Variants in LY6H observed in about 807,000 individuals in gnomAD.
LY6H encodes the protein lymphocyte antigen 6 family member H.
A neutral mutation model predicts 14.6 loss-of-function variants in LY6H; 8 were observed. The ratio of observed to expected loss-of-function variants is 0.55; its 90% CI spans 0.32 to 0.99. The LOEUF (loss-of-function observed/expected upper bound fraction) is 0.99, where lower values mean the gene tolerates loss of function less well. LY6H is among the 50% of genes least tolerant of loss of function. LY6H has a pLI of 0.04. For synonymous variants in LY6H, 115 were observed against 97.2 expected (o/e 1.18, Z -1.08); for missense variants, 196 against 219.6 (o/e 0.89, Z 0.68).
chr8:143,159,458 G>C, intron 2 of LY6H, 124 bp downstream of exon 2: 3 of 1,171,886 alleles, frequency 2.6e-6, no homozygotes, highest in Non-Finnish European at 3.4e-6. Context: ...GGTCCCGGAG[G>C]GGGCGTGGGC....
In LY6H at chr8:143,158,296, C is replaced by T. The variant is rs780038027; in HGVS notation, c.440G>A (p.Gly147Glu). 3.7e-5 allele frequency: 59 copies of T among 1,613,328 alleles called. No homozygotes were observed. The highest frequency in any genetic ancestry group is 4.9e-5 in the Non-Finnish European group (58 of 1,179,802). The change falls in exon 4 of 4, where the codon GGG becomes GAG. Residue 147 changes from glycine to glutamate, a missense_variant. Physicochemically the swap from Gly to Glu is moderately conservative, Grantham distance 98. Coordinates refer to ENST00000342752, the MANE Select transcript of LY6H (RefSeq NM_001135655.2). ...AGHSPWALAG[G>E]LLLSLGPALL... The stretch of plus-strand genomic sequence containing the variant: ...GGCAGGCCCCAGGCTGAGCAGGAGC[C>T]CCCCGGCCAGGGCCCAGGGGCTGTG...
chr8:143,160,016 G>C, intron 1 of LY6H, 182 bp downstream of exon 1: 1 of 1,217,914 alleles, frequency 8.2e-7, no homozygotes, highest in Non-Finnish European at 1.0e-6. Context: ...AGCGGCAGGG[G>C]CGGGAGCGGG....
chr8:143,158,173 A>T lies in LY6H; in HGVS notation c.*77T>A. 1 of 1,079,720 alleles carries T rather than the reference A, an allele frequency of 9.3e-7. No individual in the cohort carries two copies. Among genetic ancestry groups the T allele is most frequent in the Non-Finnish European group, 1.3e-6 (1 of 752,498 alleles). 66.9% of individuals were successfully genotyped at this position (1,079,720 alleles called of 1,614,324 possible). A position where few individuals can be genotyped will look rare whatever the true frequency, so the allele number is the denominator to read the frequency against. On this transcript the variant is annotated 3_prime_UTR_variant, in exon 4 of 4. Transcript: ENST00000342752. ...CTGGGCCAAGGCTGCCCCCAGCCCCAGCCACGCCAGGCTGGGGAGAGGGCA... is the reference window on the plus strand; with the variant it reads ...CTGGGCCAAGGCTGCCCCCAGCCCCTGCCACGCCAGGCTGGGGAGAGGGCA...
chr8:143,158,658 C>G, intron 3 of LY6H, 145 bp downstream of exon 3: 1 of 1,243,396 alleles, frequency 8.0e-7, no homozygotes, highest in Non-Finnish European at 1.1e-6. Context: ...ACCAAGGAGC[C>G]AGGGGGGGAC....
rs758272149 is a variant in LY6H at position 143,160,184 on chromosome 8, G to T, written c.2+14C>A. 66 of 1,283,900 alleles carry T rather than the reference G, an allele frequency of 5.1e-5. No homozygotes were observed. The highest frequency in any genetic ancestry group is 6.3e-5 in the Non-Finnish European group (64 of 1,015,176). 79.5% of individuals were successfully genotyped at this position (1,283,900 alleles called of 1,614,324 possible). On this transcript the variant is annotated intron_variant, in intron 1 of 3. Coordinates refer to ENST00000342752, the MANE Select transcript of LY6H (RefSeq NM_001135655.2). ...GCGTGGAGCGCGGGCCTCGGGGTCGGGGGGCTCACTCACATCCCGGGGGTG... is the reference window on the plus strand; with the variant it reads ...GCGTGGAGCGCGGGCCTCGGGGTCGTGGGGCTCACTCACATCCCGGGGGTG...
At position 143,158,144 on chromosome 8, in the gene LY6H, G is replaced by C. The variant is rs543525214; in HGVS notation, c.*106C>G. On this transcript the variant is annotated 3_prime_UTR_variant, in exon 4 of 4. Coordinates refer to ENST00000342752, the MANE Select transcript of LY6H (RefSeq NM_001135655.2). ...AGTGAGAGCCACAGGCCACAGCCAC[G>C]GAGCTGGGCCAAGGCTGCCCCCAGC... 4.2e-6 allele frequency: 3 copies of C among 722,444 alleles called. No individual in the cohort carries two copies. The African/African-American group carries it at 5.4e-5, about 13-fold the overall frequency. The allele number at this position is 722,444 out of a possible 1,614,324, so 44.8% of individuals were successfully genotyped here. A position where few individuals can be genotyped will look rare whatever the true frequency, so the allele number is the denominator to read the frequency against.
rs1391832786 is a variant in LY6H at position 143,158,500 on chromosome 8, C to T, written c.251-15G>A. On this transcript the variant is annotated splice_polypyrimidine_tract_variant and intron_variant, in intron 3 of 3. Transcript: ENST00000342752. ...ATCCTTCCTGCCTGGGAAGAGAAAGCGTGGCCTGGGACGGGGGCTCCTCCT... is the reference window on the plus strand; with the variant it reads ...ATCCTTCCTGCCTGGGAAGAGAAAGTGTGGCCTGGGACGGGGGCTCCTCCT... 10 of 1,598,196 alleles carry T rather than the reference C, an allele frequency of 6.3e-6. No individual in the cohort carries two copies. Among genetic ancestry groups the T allele is most frequent in the African/African-American group, 4.0e-5 (3 of 74,546 alleles).
chr8:143,158,978 G>T, intron 2 of LY6H, 56 bp from the exon 3 acceptor site: 1 of 1,575,328 alleles, frequency 6.3e-7, no homozygotes. Context: ...AAACCAGGCA[G>T]CCCCCTGCGC....
Position 143,160,287 on chromosome 8 carries a change from C to T in LY6H, c.-88G>A, listed in dbSNP as rs1229440353. ...GTCTCCCTGCGGACCGGAATCCGGG[C>T]GCAGCCTCGTCTTTCGGGGAACGCA... On this transcript the variant is annotated 5_prime_UTR_variant, in exon 1 of 4. Transcript: ENST00000342752. The T allele has an allele frequency of 9.8e-6, 11 of 1,127,964 alleles. No individual in the cohort carries two copies. Among genetic ancestry groups the T allele is most frequent in the Non-Finnish European group, 1.1e-5 (10 of 887,044 alleles). The allele number at this position is 1,127,964 out of a possible 1,614,324, so 69.9% of individuals were successfully genotyped here. A position where few individuals can be genotyped will look rare whatever the true frequency, so the allele number is the denominator to read the frequency against.
rs904292068 is a variant in LY6H at position 143,158,580 on chromosome 8, G to A, written c.251-95C>T. The A allele has an allele frequency of 5.2e-5, 66 of 1,279,152 alleles. 1 individual carries two copies. Among genetic ancestry groups the A allele is most frequent in the Middle Eastern group, 3.9e-4 (2 of 5,130 alleles). 79.2% of individuals were successfully genotyped at this position (1,279,152 alleles called of 1,614,324 possible). On this transcript the variant is annotated intron_variant, in intron 3 of 3. Coordinates refer to ENST00000342752, the MANE Select transcript of LY6H (RefSeq NM_001135655.2). The stretch of plus-strand genomic sequence containing the variant: ...AGCCCAGGCCCCTCCGGGTCAGCTC[G>A]GGGCCCCAGTAGGCAGGGCCGAGTC...
intron 2 of LY6H, 176 bp from the exon 3 acceptor site, chr8:143,159,098 C>T (rs746452651): frequency 1.7e-5 from 15 of 873,510 alleles, no homozygotes; most frequent in Middle Eastern, 3.4e-4. Flanking sequence ...GACAACTGTG[C>T]CCCATCCTGG....
At position 143,159,537 on chromosome 8, in the gene LY6H, G is replaced by A. The variant is rs902029392; in HGVS notation, c.130+45C>T. 4.8e-6 allele frequency: 7 copies of A among 1,456,798 alleles called. No homozygotes were observed. The African/African-American group carries it at 7.5e-5, about 16-fold the overall frequency. 90.2% of individuals were successfully genotyped at this position (1,456,798 alleles called of 1,614,324 possible). ...ACACCCGGCTCTCCCGCGGCGCCTCGGGCTCTCCCAGGCACCTGACCCAGC... is the reference window on the plus strand; with the variant it reads ...ACACCCGGCTCTCCCGCGGCGCCTCAGGCTCTCCCAGGCACCTGACCCAGC... On this transcript the variant is annotated intron_variant, in intron 2 of 3. Coordinates refer to ENST00000342752, the MANE Select transcript of LY6H (RefSeq NM_001135655.2).
chr8:143,159,143 C>A, intron 2 of LY6H: 3 of 634,014 alleles, frequency 4.7e-6, no homozygotes, highest in Non-Finnish European at 5.6e-6. Flanking sequence ...CCCTCCCTGG[C>A]CCCCATGCAC....
chr8:143,159,843 C>T (rs1172265838), intron 1 of LY6H, 134 bp from the exon 2 acceptor site: 13 of 1,161,298 alleles, frequency 1.1e-5, no homozygotes, highest in African/African-American at 1.6e-5. Context: ...AGCCCCTTCT[C>T]CAGAGCGTCC....
Position 143,158,439 on chromosome 8 carries a change from G to T in LY6H, c.297C>A (p.Asp99Glu), listed in dbSNP as rs1297973825. The change falls in exon 4 of 4, where the codon GAC becomes GAA. Residue 99 changes from aspartate to glutamate, a missense_variant. By Grantham distance (45) the Asp-to-Glu change is conservative. Transcript: ENST00000342752. Reference sequence around the variant, plus strand: ...CTGAGAAAAAGTGTCGCTTAACGAAGTCACAGGAGGAGGCACACATCTTGT... The same window carrying T: ...CTGAGAAAAAGTGTCGCTTAACGAATTCACAGGAGGAGGCACACATCTTGT... ...SVNKMCASSC[D>E]FVKRHFFSDY... 6.2e-7 allele frequency: 1 copy of T among 1,614,024 alleles called. No individual in the cohort carries two copies. Among genetic ancestry groups the T allele is most frequent in the East Asian group, 2.2e-5 (1 of 44,874 alleles).
intron 2 of LY6H, 107 bp downstream of exon 2, chr8:143,159,475 C>A (rs955928536): frequency 2.0e-5 from 26 of 1,305,388 alleles, no homozygotes; most frequent in Non-Finnish European, 2.4e-5. Flanking sequence ...GGGCTCTATG[C>A]GAAGTGCGGT....
Position 143,158,210 on chromosome 8 carries a change from A to G in LY6H, c.*40T>C. ...CTGGGGAGAGGGCAGCCACAGGCTC[A>G]GGGGAGCAAGCTCAGAAGCCCCGTG... On this transcript the variant is annotated 3_prime_UTR_variant, in exon 4 of 4. Coordinates refer to ENST00000342752, the MANE Select transcript of LY6H (RefSeq NM_001135655.2). 2 of 1,471,704 alleles carry G rather than the reference A, an allele frequency of 1.4e-6. No individual in the cohort carries two copies. Among genetic ancestry groups the G allele is most frequent in the Non-Finnish European group, 9.3e-7 (1 of 1,070,072 alleles). 91.2% of individuals were successfully genotyped at this position (1,471,704 alleles called of 1,614,324 possible).
rs139681634 is a variant in LY6H at position 143,158,313 on chromosome 8, G to C, written c.423C>G (p.Pro141=). 1.2e-6 allele frequency: 2 copies of C among 1,613,574 alleles called. No individual in the cohort carries two copies. Among genetic ancestry groups the C allele is most frequent in the Non-Finnish European group, 1.7e-6 (2 of 1,179,920 alleles). Residue 141 remains proline, a synonymous_variant, in exon 4 of 4, where the codon CCC becomes CCG. Transcript: ENST00000342752. The stretch of plus-strand genomic sequence containing the variant: ...GCAGGAGCCCCCCGGCCAGGGCCCA[G>C]GGGCTGTGCCCTGCCCCTGCCGCCC... ...CNGAAGAGHS[P]WALAGGLLLS... is the part of the protein sequence containing the mutation.
At position 143,158,297 on chromosome 8, in the gene LY6H, C is replaced by T. The variant is rs753292935; in HGVS notation, c.439G>A (p.Gly147Arg). 1.2e-6 allele frequency: 2 copies of T among 1,613,472 alleles called. No individual in the cohort carries two copies. The highest frequency in any genetic ancestry group is 1.7e-6 in the Non-Finnish European group (2 of 1,179,804). The change falls in exon 4 of 4, where the codon GGG becomes AGG. Residue 147 changes from glycine to arginine, a missense_variant. Coordinates refer to ENST00000342752, the MANE Select transcript of LY6H (RefSeq NM_001135655.2). ...GCAGGCCCCAGGCTGAGCAGGAGCC[C>T]CCCGGCCAGGGCCCAGGGGCTGTGC... ...AGHSPWALAG[G>R]LLLSLGPALL...
Sources: gnomAD v4.1 joint callset for allele counts on GRCh38, gnomAD v4.1.1 for gene constraint, MANE v1.5 for transcripts, NCBI Gene and HGNC (gene_info 2026-07-23, HGNC 2026-07-21) for gene names.